SPECC1: variants seen among roughly 807,000 people sequenced by gnomAD.
SPECC1 encodes the protein sperm antigen with calponin homology and coiled-coil domains 1, also known as cytospin-B.
A neutral mutation model predicts 104.1 loss-of-function variants in SPECC1; 62 were observed. The ratio of observed to expected loss-of-function variants is 0.60; its 90% CI spans 0.49 to 0.74. The LOEUF (loss-of-function observed/expected upper bound fraction) is 0.74, where lower values mean the gene tolerates loss of function less well. SPECC1 is among the 30% of genes least tolerant of loss of function. The pLI, the probability that SPECC1 is intolerant of heterozygous loss-of-function variation, is 0.00. For missense variants in SPECC1, 1,306 were observed against 1,310.5 expected, an observed-to-expected ratio of 1.00 and a Z score of 0.05; for synonymous variants, 513 against 501.6, an observed-to-expected ratio of 1.02 and a Z score of -0.30.
intron 9 of SPECC1, among the ~76,000 whole-genome samples, chr17:20,251,410 C>T (rs2039630686): frequency 6.6e-6 from 1 of 151,994 alleles, no homozygotes; most frequent in Non-Finnish European, 1.5e-5. Context: ...GGTGAAATAT[C>T]GGATGCTTTC....
intron 3 of SPECC1, among the ~76,000 whole-genome samples, chr17:20,157,109 G>A (rs1178968333): frequency 1.3e-5 from 2 of 152,098 alleles, no homozygotes; most frequent in Admixed American, 1.3e-4. Flanking sequence ...GAGGTGAAGC[G>A]ACTTGTCCGA....
chr17:20,148,074 T>C (rs931320416), intron 3 of SPECC1, among the ~76,000 whole-genome samples: 15 of 152,178 alleles, frequency 9.9e-5, no homozygotes, highest in African/African-American at 3.6e-4. Flanking sequence ...CTTTGGTGTT[T>C]AGTAAAAATT....
intron 2 of SPECC1, among the ~76,000 whole-genome samples, chr17:20,101,537 A>G (rs2047944188): frequency 6.6e-6 from 1 of 152,200 alleles, no homozygotes; most frequent in South Asian, 2.1e-4. Context: ...AGCAGGGTGC[A>G]GAGGCTGGGG....
chr17:20,154,312 TGTG>T (rs1246196375), intron 3 of SPECC1, among the ~76,000 whole-genome samples: 1 of 152,156 alleles, frequency 6.6e-6, no homozygotes, highest in African/African-American at 2.4e-5. Context: ...TACTATTTAA[TGTG>T]GTGCGATGAG....
rs756419478 is a variant in SPECC1 at position 20,232,421 on chromosome 17, A to C, written c.2351+16A>C. ...CCGCCCCTCCGTGAGTCTGGTGGGCACCAGGGCCGTGCTTGCTTCTCAATC... is the reference window on the plus strand; with the variant it reads ...CCGCCCCTCCGTGAGTCTGGTGGGCCCCAGGGCCGTGCTTGCTTCTCAATC... On this transcript the variant is annotated intron_variant, in intron 7 of 14. Transcript: ENST00000395527. The C allele has an allele frequency of 1.3e-6, 2 of 1,592,578 alleles. No homozygotes were observed. The highest frequency in any genetic ancestry group is 8.6e-7 in the Non-Finnish European group (1 of 1,169,566).
Position 20,205,809 on chromosome 17 carries a change from C to T in SPECC1, c.1760C>T (p.Ala587Val), listed in dbSNP as rs1005048287. The change falls in exon 4 of 15, where the codon GCC (alanine) becomes GTC (valine). Residue 587 changes from alanine (A) to valine (V), a missense_variant. This residue lies in a region of SPECC1 where 1,177 missense variants were observed against 1,139.9 expected (regional missense o/e 1.03). Transcript: ENST00000395527. ...GAAGTTCAAGAAATGTTGAAAGTAG[C>T]CCGAGCAGAGAAAGATCTACTGGAA... ...SCEVQEMLKV[A>V]RAEKDLLELS... The T allele has an allele frequency of 5.0e-6, 8 of 1,614,138 alleles. No homozygotes were observed. The highest frequency in any genetic ancestry group is 6.8e-6 in the Non-Finnish European group (8 of 1,180,010).
At position 20,257,480 on chromosome 17, in the gene SPECC1, A is replaced by C; in HGVS notation, c.2710A>C (p.Lys904Gln). Residue 904 changes from lysine to glutamine, a missense_variant, in exon 11 of 15, where the codon AAG becomes CAG. By Grantham distance (53) the Lys-to-Gln change is moderately conservative. This residue lies in a region of SPECC1 where 1,177 missense variants were observed against 1,139.9 expected (regional missense o/e 1.03). Coordinates refer to ENST00000395527, the MANE Select transcript of SPECC1 (RefSeq NM_001243439.2). Reference protein sequence around the residue: ...DILKGRTETLKPDPHLRKSPS... With the variant: ...DILKGRTETLQPDPHLRKSPS... The stretch of plus-strand genomic sequence containing the variant: ...TCTAAAGGGAAGGACTGAGACCCTG[A>C]AGCCAGACCCCCACCTCCGCAAGAG... 1 of 1,599,358 alleles carries C rather than the reference A, an allele frequency of 6.3e-7. No individual in the cohort carries two copies. The highest frequency in any genetic ancestry group is 8.5e-7 in the Non-Finnish European group (1 of 1,176,172).
chr17:20,237,928 G>A, intron 7 of SPECC1: 2 of 540,852 alleles, frequency 3.7e-6, no homozygotes, highest in Non-Finnish European at 4.8e-6. Flanking sequence ...TTTTAGTAGA[G>A]ATGCAATTTC....
At chr17:20,186,107 G>A (rs2035256872) in intron 3 of SPECC1, among the ~76,000 whole-genome samples, 1 of 152,136 alleles carries the variant, frequency 6.6e-6, no homozygotes, top group Non-Finnish European at 1.5e-5. Flanking sequence ...CAAAGTGCTG[G>A]GATTGCAGGC....
chr17:20,268,236 A>G (rs947013270), intron 12 of SPECC1, among the ~76,000 whole-genome samples: 40 of 152,206 alleles, frequency 2.6e-4, no homozygotes, highest in African/African-American at 8.9e-4. Flanking sequence ...TAAGGGACAG[A>G]TGACGTCTTT....
At chr17:20,213,723 C>G (rs1012228690) in intron 4 of SPECC1, among the ~76,000 whole-genome samples, 3 of 152,138 alleles carry the variant, frequency 2.0e-5, no homozygotes, top group African/African-American at 7.2e-5. Context: ...AAGAGAACAG[C>G]AGGTCCTAAG....
intron 7 of SPECC1, chr17:20,239,123 A>C: frequency 1.3e-5 from 13 of 1,016,586 alleles, no homozygotes; most frequent in Non-Finnish European, 1.5e-5. Context: ...ATTTTGCATA[A>C]ATTTTTAAAA....
At chr17:20,080,625 C>A (rs560730426) in intron 1 of SPECC1, among the ~76,000 whole-genome samples, 3 of 151,942 alleles carry the variant, frequency 2.0e-5, no homozygotes, top group Non-Finnish European at 1.5e-5. Flanking sequence ...ATGAGACTCT[C>A]GTGGGGAGGG....
chr17:20,193,580 T>C (rs1412213709), intron 3 of SPECC1, among the ~76,000 whole-genome samples: 1 of 152,180 alleles, frequency 6.6e-6, no homozygotes, highest in African/African-American at 2.4e-5. Context: ...TCAGAAAGCA[T>C]CAGTATGGTA....
At chr17:20,206,752 A>G (rs1053793904) in intron 4 of SPECC1, among the ~76,000 whole-genome samples, 1 of 152,106 alleles carries the variant, frequency 6.6e-6, no homozygotes, top group Non-Finnish European at 1.5e-5. Context: ...TAAACATTTT[A>G]AAGACTTTCA....
At chr17:20,084,695 CTT>C (rs1041052716) in intron 1 of SPECC1, among the ~76,000 whole-genome samples, 2 of 152,152 alleles carry the variant, frequency 1.3e-5, no homozygotes, top group African/African-American at 4.8e-5. Context: ...ACTAAGAAAT[CTT>C]TGCCTTACTC....
intron 1 of SPECC1, among the ~76,000 whole-genome samples, chr17:20,069,451 C>T (rs1207605971): frequency 6.6e-6 from 1 of 152,138 alleles, no homozygotes; most frequent in East Asian, 1.9e-4. Context: ...TGAAGTTTTA[C>T]AGCTATATTT....
At chr17:20,282,639 G>T (rs1342705606) in intron 12 of SPECC1, among the ~76,000 whole-genome samples, 1 of 152,100 alleles carries the variant, frequency 6.6e-6, no homozygotes, top group African/African-American at 2.4e-5. Context: ...CTGGAAAGGT[G>T]CAATGAAGCC....
intron 2 of SPECC1, among the ~76,000 whole-genome samples, chr17:20,102,472 T>G (rs1398989666): frequency 6.6e-6 from 1 of 152,190 alleles, no homozygotes; most frequent in Non-Finnish European, 1.5e-5. Context: ...CTTATCCTGT[T>G]GTCTGGGAAG....
Sources: allele counts gnomAD v4.1 joint callset (sites outside exome capture counted in the v4.1 genomes callset), GRCh38; gene constraint gnomAD v4.1.1; regional missense constraint gnomAD v4.1.1; transcripts MANE v1.5; gene names NCBI Gene and HGNC (gene_info 2026-07-23, HGNC 2026-07-21).